The following NSMAF variants were observed in gnomAD, a reference collection of about 807,000 sequenced individuals.
NSMAF encodes the protein neutral sphingomyelinase activation associated factor, also known as protein FAN.
In NSMAF, 90 loss-of-function variants were observed where a neutral mutation model predicts 134.9. The observed-to-expected ratio is 0.67, with a 90% CI of 0.56 to 0.79. The LOEUF (loss-of-function observed/expected upper bound fraction) is 0.79, where lower values mean the gene tolerates loss of function less well. Among genes scored for constraint, NSMAF ranks in the 30% least tolerant of loss-of-function variants. The probability of loss-of-function intolerance (pLI) is 0.00; values close to 1 mark genes in which losing one functional copy is unlikely to be tolerated. For synonymous variants in NSMAF, 358 were observed against 389.6 expected, an observed-to-expected ratio of 0.92 and a Z score of 0.96; for missense variants, 1,010 against 1,119.0, an observed-to-expected ratio of 0.90 and a Z score of 1.39.
chr8:58,635,938 T>C (rs892396569), intron 2 of NSMAF, among the ~76,000 whole-genome samples: 1 of 152,172 alleles, frequency 6.6e-6, no homozygotes, highest in African/African-American at 2.4e-5. Context: ...GCAGTAAATA[T>C]TTACTTTGGC....
At chr8:58,633,362 C>T (rs1807100466) in intron 5 of NSMAF, among the ~76,000 whole-genome samples, 1 of 152,268 alleles carries the variant, frequency 6.6e-6, no homozygotes, top group Non-Finnish European at 1.5e-5. Context: ...GATAATTGCA[C>T]AGCTCAATGC....
At chr8:58,619,712 A>G (rs1029799991) in intron 9 of NSMAF, among the ~76,000 whole-genome samples, 1 of 152,188 alleles carries the variant, frequency 6.6e-6, no homozygotes, top group African/African-American at 2.4e-5. Flanking sequence ...AAGTACTAGG[A>G]ATAAATAACA....
At chr8:58,591,757 G>C (rs964148015) in intron 23 of NSMAF, among the ~76,000 whole-genome samples, 4 of 151,996 alleles carry the variant, frequency 2.6e-5, no homozygotes, top group African/African-American at 7.2e-5. Flanking sequence ...AAAATACTGG[G>C]ATTACAGGTG....
At chr8:58,648,476 C>T (rs1020444638) in intron 1 of NSMAF, among the ~76,000 whole-genome samples, 67 of 152,200 alleles carry the variant, frequency 4.4e-4, no homozygotes, top group African/African-American at 1.4e-3. Flanking sequence ...GAGAGATGAG[C>T]ATGACTAAAA....
rs1448504620 is a variant in NSMAF, at chr8:58,584,112, C to T, written c.2748G>A (p.Gln916=). 1 of 1,610,364 alleles carries T rather than the reference C, an allele frequency of 6.2e-7. No individual in the cohort carries two copies. Among genetic ancestry groups the T allele is most frequent in the Non-Finnish European group, 8.5e-7 (1 of 1,176,756 alleles). ...EDRQIIFWKL[Q]Y is the part of the protein sequence containing the mutation. ...TCAGGAGAGGAAAAGGCACTTAATA[C>T]TGCAATTTCCAGAATATAATTTGTC... The change falls in exon 31 of 31, where the codon CAG becomes CAA. Residue 916 remains glutamine (Q), a synonymous_variant. Coordinates refer to ENST00000038176, the MANE Select transcript of NSMAF (RefSeq NM_003580.4).
intron 10 of NSMAF, 139 bp downstream of exon 10, chr8:58,609,465 C>G (rs1806477531): frequency 1.3e-6 from 1 of 758,514 alleles, no homozygotes; most frequent in Non-Finnish European, 2.2e-6. Context: ...GTAAAATACA[C>G]AGATGCTGCC....
At chr8:58,592,965 G>A (rs1384620654) in intron 23 of NSMAF, among the ~76,000 whole-genome samples, 2 of 151,900 alleles carry the variant, frequency 1.3e-5, no homozygotes, top group Non-Finnish European at 2.9e-5. Context: ...ACAGAGGAGT[G>A]ACATAATGCT....
rs889521105 is a variant in NSMAF, at chr8:58,601,507, T to G, written c.1154A>C (p.Lys385Thr). Residue 385 changes from lysine to threonine, a missense_variant, in exon 15 of 31, where the codon AAG becomes ACG. Transcript: ENST00000038176. ...AGAGTAGTGACTCCCATACATGAAC[T>G]TTGGTTCAGGCATTTCCTGGTAGCG... ...LTRYQEMPEP[K>T]FMYGSHYSSP... The G allele has an allele frequency of 1.9e-6, 3 of 1,610,676 alleles. No individual in the cohort carries two copies. In the African/African-American group the frequency reaches 4.0e-5, roughly 22 times the overall value.
rs143061129 is a variant in NSMAF at position 58,623,745 on chromosome 8, G to A, written c.420C>T (p.Pro140=). The A allele has an allele frequency of 3.0e-5, 48 of 1,613,860 alleles. No individual in the cohort carries two copies. The highest frequency in any genetic ancestry group is 8.0e-5 in the African/African-American group (6 of 74,882). ...KMEYVFELDV[P]GKVEDVVETL... is the part of the protein sequence containing the mutation. The stretch of plus-strand genomic sequence containing the variant: ...TCTCCACAACATCTTCCACTTTCCC[G>A]GGAACATCCAATTCAAAAACATATT... Residue 140 remains proline (P), a synonymous_variant, in exon 7 of 31, where the codon CCC becomes CCT. Coordinates refer to ENST00000038176, the MANE Select transcript of NSMAF (RefSeq NM_003580.4).
At chr8:58,594,575 T>C in intron 22 of NSMAF, 1 of 421,416 alleles carries the variant, frequency 2.4e-6, no homozygotes, top group Non-Finnish European at 4.2e-6. Flanking sequence ...TGGAAAACTC[T>C]TCTCCTTCTA....
At chr8:58,648,067 C>T (rs1036297996) in intron 1 of NSMAF, among the ~76,000 whole-genome samples, 1 of 152,152 alleles carries the variant, frequency 6.6e-6, no homozygotes, top group East Asian at 1.9e-4. Flanking sequence ...CAGTGAAGGT[C>T]AGGCTGACAC....
intron 24 of NSMAF, 142 bp downstream of exon 24, chr8:58,590,725 T>G: frequency 1.2e-6 from 1 of 838,506 alleles, no homozygotes. Flanking sequence ...AAATTAGAAG[T>G]AATCTAACTA....
chr8:58,623,844 T>C, intron 6 of NSMAF, 64 bp from the exon 7 acceptor site: 1 of 1,299,172 alleles, frequency 7.7e-7, no homozygotes, highest in African/African-American at 1.5e-5. Context: ...TATGCTACTT[T>C]AAGAACATGT....
At chr8:58,594,205 A>T in intron 23 of NSMAF, 27 bp downstream of exon 23, 1 of 1,610,514 alleles carries the variant, frequency 6.2e-7, no homozygotes, top group Non-Finnish European at 8.5e-7. Flanking sequence ...ATTTTGGTTA[A>T]GCCGCCTTTC....
intron 1 of NSMAF, among the ~76,000 whole-genome samples, chr8:58,651,694 A>G (rs1312851420): frequency 6.6e-6 from 1 of 152,234 alleles, no homozygotes; most frequent in Admixed American, 6.5e-5. Flanking sequence ...TAAAGAAGGA[A>G]GTTCAGTTGG....
In NSMAF at chr8:58,595,345, G is replaced by A. The variant is rs368652874; in HGVS notation, c.1892+215C>T. The stretch of plus-strand genomic sequence containing the variant: ...TGACAGACTGCAGAAATGACAGCAC[G>A]GTAGCCACCACAAATCATTTCGTGC... On this transcript the variant is annotated intron_variant, in intron 22 of 30. Transcript: ENST00000038176. Among the ~76,000 whole-genome samples the A allele has an allele frequency of 1.8e-3, 275 of 152,152 alleles. 1 individual carries two copies. Among genetic ancestry groups the A allele is most frequent in the South Asian group, 0.014 (66 of 4,812 alleles).
chr8:58,659,389 C>T (rs1436549133), intron 1 of NSMAF, 184 bp downstream of exon 1: 6 of 1,518,370 alleles, frequency 4.0e-6, no homozygotes, highest in Admixed American at 4.1e-5. Flanking sequence ...ACCAGGCCCC[C>T]GGCCTCTCAC....
rs747421187 is a variant in NSMAF at position 58,603,346 on chromosome 8, C to T, written c.909G>A (p.Leu303=). Residue 303 remains leucine, a synonymous_variant, in exon 13 of 31, where the codon CTG becomes CTA. Coordinates refer to ENST00000038176, the MANE Select transcript of NSMAF (RefSeq NM_003580.4). Reference sequence around the variant, plus strand: ...TGGAAAGGTGTCCACGCTGCCACTGCAGCATGTAGCTCTCAGCAGTGTGCT... The same window carrying T: ...TGGAAAGGTGTCCACGCTGCCACTGTAGCATGTAGCTCTCAGCAGTGTGCT... The part of the protein sequence containing the change: ...VAEHTAESYM[L]QWQRGHLSNY... 1 of 1,613,978 alleles carries T rather than the reference C, an allele frequency of 6.2e-7. No homozygotes were observed.
Position 58,653,956 on chromosome 8 carries a change from T to C in NSMAF, c.59+5617A>G, listed in dbSNP as rs142821507. The stretch of plus-strand genomic sequence containing the variant: ...GTAAGTGGGTAGGCTAGTAATACAT[T>C]TTGGGTAAAGTCAATATAGAGTCTA... On this transcript the variant is annotated intron_variant, in intron 1 of 30. Transcript: ENST00000038176. 2.7e-3 allele frequency among the ~76,000 whole-genome samples: 404 copies of C among 152,320 alleles called. 4 individuals carry two copies. Among genetic ancestry groups the C allele is most frequent in the African/African-American group, 9.0e-3 (376 of 41,572 alleles).
Sources: gnomAD v4.1 joint callset for allele counts (sites outside exome capture counted in the v4.1 genomes callset) on GRCh38, gnomAD v4.1.1 for gene constraint, MANE v1.5 for transcripts, NCBI Gene and HGNC (gene_info 2026-07-23, HGNC 2026-07-21) for gene names.